HPS4: variants seen among roughly 807,000 people sequenced by gnomAD.
The protein encoded by HPS4 is HPS4 biogenesis of lysosomal organelles complex 3 subunit 2.
In HPS4, 44 loss-of-function variants were observed where a neutral mutation model predicts 70.3. The ratio of observed to expected loss-of-function variants is 0.63; its 90% CI spans 0.49 to 0.80. HPS4 has a LOEUF of 0.80. Among genes scored for constraint, HPS4 ranks in the 30% least tolerant of loss-of-function variants. The pLI is 0.00. For synonymous variants in HPS4, 377 were observed against 355.9 expected, an observed-to-expected ratio of 1.06 and a Z score of -0.67; for missense variants, 873 against 884.4, an observed-to-expected ratio of 0.99 and a Z score of 0.16.
intron 13 of HPS4, among the ~76,000 whole-genome samples, chr22:26,455,696 CGTT>C (rs1569017199): frequency 2.6e-5 from 4 of 151,062 alleles, no homozygotes; most frequent in Admixed American, 6.6e-5. Flanking sequence ...ACACACCTCA[CGTT>C]GTGCACAGCA....
chr22:26,452,113 G>T lies in HPS4; in HGVS notation c.*1120C>A. Reference sequence around the variant, plus strand: ...TTACTCAGAACTCCAGCATTTTTTGGCTATTTTATTTCTAGCCCTTGGAAG... The same window carrying T: ...TTACTCAGAACTCCAGCATTTTTTGTCTATTTTATTTCTAGCCCTTGGAAG... On this transcript the variant is annotated 3_prime_UTR_variant, in exon 14 of 14. Coordinates refer to ENST00000398145, the MANE Select transcript of HPS4 (RefSeq NM_022081.6). 3.0e-6 allele frequency: 1 copy of T among 331,074 alleles called. No homozygotes were observed. Among genetic ancestry groups the T allele is most frequent in the Non-Finnish European group, 5.9e-6 (1 of 169,894 alleles). 20.5% of individuals were successfully genotyped at this position (331,074 alleles called of 1,614,324 possible). A position where few individuals can be genotyped will look rare whatever the true frequency, so the allele number is the denominator to read the frequency against.
chr22:26,462,230 A>G (rs2087440820), intron 11 of HPS4, among the ~76,000 whole-genome samples: 1 of 152,240 alleles, frequency 6.6e-6, no homozygotes, highest in Non-Finnish European at 1.5e-5. Context: ...TTTCCACAGA[A>G]GCCCATGGAG....
At chr22:26,448,017 C>G (rs927615911), downstream of HPS4, among the ~76,000 whole-genome samples, 2 of 152,194 alleles carry the variant, frequency 1.3e-5, no homozygotes, top group Non-Finnish European at 2.9e-5. Context: ...AGGCTCAGAG[C>G]GGGCAGCTGA....
In HPS4 at chr22:26,464,101, G is replaced by A; in HGVS notation, c.1529C>T (p.Ser510Leu). ...AGCACCCTGACAGTTTGCTGAGCCT[G>A]AACTGCATTCCAGACCAGGGGCTGC... ...SHAAPGLECS[S>L]GSANCQGAGP... Residue 510 changes from serine to leucine, a missense_variant, in exon 11 of 14, where the codon TCA becomes TTA. Ser to Leu is a moderately radical substitution (Grantham distance 145). Transcript: ENST00000398145. 6.2e-7 allele frequency: 1 copy of A among 1,614,288 alleles called. No individual in the cohort carries two copies. Among genetic ancestry groups the A allele is most frequent in the Non-Finnish European group, 8.5e-7 (1 of 1,180,048 alleles).
At chr22:26,480,228 G>A (rs2091130755) in intron 2 of HPS4, among the ~76,000 whole-genome samples, 1 of 152,208 alleles carries the variant, frequency 6.6e-6, no homozygotes, top group African/African-American at 2.4e-5. Context: ...CTGGAGTGCA[G>A]TGGTGCGATT....
chr22:26,469,946 T>C (rs1309515552), intron 7 of HPS4, among the ~76,000 whole-genome samples: 4 of 152,142 alleles, frequency 2.6e-5, no homozygotes, highest in African/African-American at 7.2e-5. Context: ...GAAGAGAAAA[T>C]TGAGGCTAAG....
downstream of HPS4, among the ~76,000 whole-genome samples, chr22:26,450,661 G>T (rs554259772): frequency 6.6e-6 from 1 of 152,188 alleles, no homozygotes; most frequent in Non-Finnish European, 1.5e-5. Flanking sequence ...GAGGGACCTG[G>T]TGGGAGGTAA....
At chr22:26,446,596 G>C (rs1366873961), downstream of HPS4, among the ~76,000 whole-genome samples, 3 of 152,246 alleles carry the variant, frequency 2.0e-5, no homozygotes, top group Middle Eastern at 3.4e-3. Flanking sequence ...CAGGCTGAGG[G>C]GGTCGCTGCT....
rs570371168 is a variant in HPS4, at chr22:26,481,750, T to C, written c.13A>G (p.Thr5Ala). The C allele has an allele frequency of 1.2e-4, 194 of 1,614,104 alleles. 1 individual carries two copies. In the South Asian group the frequency reaches 1.6e-3, roughly 13 times the overall value. Residue 5 changes from threonine (T) to alanine (A), a missense_variant, in exon 2 of 14, where the codon ACC (threonine) becomes GCC (alanine). Thr to Ala is a moderately conservative substitution (Grantham distance 58). Transcript: ENST00000398145. MATS[T>A]STEAKSASWW... Reference sequence around the variant, plus strand: ...GAGGCTGACTTTGCCTCTGTGGAGGTAGAGGTGGCCATCTACTGTGCAGTC... The same window carrying C: ...GAGGCTGACTTTGCCTCTGTGGAGGCAGAGGTGGCCATCTACTGTGCAGTC...
Position 26,464,662 on chromosome 22 carries a change from T to C in HPS4, c.968A>G (p.Lys323Arg), listed in dbSNP as rs1230485472. The C allele has an allele frequency of 6.2e-7, 1 of 1,612,142 alleles. No individual in the cohort carries two copies. Among genetic ancestry groups the C allele is most frequent in the African/African-American group, 1.3e-5 (1 of 74,906 alleles). The stretch of plus-strand genomic sequence containing the variant: ...ATGGCCAGACAAGCATCCGTTCTCC[T>C]TCCTGCCATCTGGACAAGCTTCGTC... ...SPDEACPDGR[K>R]ENGCLSGHDL... Residue 323 changes from lysine (K) to arginine (R), a missense_variant, in exon 11 of 14, where the codon AAG becomes AGG. Physicochemically the swap from Lys to Arg is conservative, Grantham distance 26. Transcript: ENST00000398145.
downstream of HPS4, chr22:26,443,903 T>A (rs1199135480): frequency 6.6e-6 from 1 of 152,282 alleles, no homozygotes; most frequent in Non-Finnish European, 1.5e-5. Flanking sequence ...GAGGCTACTC[T>A]TTAAACATGG....
At chr22:26,450,302 A>G (rs2085101618), downstream of HPS4, among the ~76,000 whole-genome samples, 1 of 152,068 alleles carries the variant, frequency 6.6e-6, no homozygotes, top group African/African-American at 2.4e-5. Context: ...GTCTGCTGCT[A>G]CTCACCCACC....
In HPS4 at chr22:26,481,954, C is replaced by T; in HGVS notation, c.-192G>A. 1 of 623,320 alleles carries T rather than the reference C, an allele frequency of 1.6e-6. No individual in the cohort carries two copies. Among genetic ancestry groups the T allele is most frequent in the South Asian group, 1.8e-5 (1 of 54,852 alleles). 38.6% of individuals were successfully genotyped at this position (623,320 alleles called of 1,614,324 possible). ...TGGAAAGTTCCACTTCCCTTCCTTGCAGGTTCTTCAGTTTCATGTATATTT... is the reference window on the plus strand; with the variant it reads ...TGGAAAGTTCCACTTCCCTTCCTTGTAGGTTCTTCAGTTTCATGTATATTT... On this transcript the variant is annotated 5_prime_UTR_variant, in exon 2 of 14. Transcript: ENST00000398145.
At chr22:26,459,162 C>T (rs559979347) in intron 11 of HPS4, among the ~76,000 whole-genome samples, 13 of 152,320 alleles carry the variant, frequency 8.5e-5, no homozygotes, top group African/African-American at 2.9e-4. Context: ...GGATGTAACA[C>T]GGTAACTTCT....
At chr22:26,456,187 C>T (rs2086106306) in intron 13 of HPS4, among the ~76,000 whole-genome samples, 1 of 152,212 alleles carries the variant, frequency 6.6e-6, no homozygotes, top group South Asian at 2.1e-4. Flanking sequence ...CACCCATGCC[C>T]CTCACACTGG....
At chr22:26,443,288 G>A (rs2084870291), downstream of HPS4, 5 of 1,182,560 alleles carry the variant, frequency 4.2e-6, no homozygotes, top group Non-Finnish European at 6.2e-6. Context: ...CCCTACCGGT[G>A]TTGTTTCCAT....
chr22:26,466,080 T>C (rs903885969), intron 9 of HPS4, 146 bp downstream of exon 9: 1 of 1,578,960 alleles, frequency 6.3e-7, no homozygotes, highest in Non-Finnish European at 8.6e-7. Flanking sequence ...AACTCGATTC[T>C]TGAAGCTCCA....
intron 3 of HPS4, among the ~76,000 whole-genome samples, chr22:26,445,622 C>T (rs2084928770): frequency 1.3e-5 from 2 of 152,202 alleles, no homozygotes; most frequent in Admixed American, 1.3e-4. Context: ...TGGGCAAGTC[C>T]CTTAGCCTCT....
intron 4 of HPS4, among the ~76,000 whole-genome samples, chr22:26,474,199 C>T (rs1273822783): frequency 6.6e-6 from 1 of 152,160 alleles, no homozygotes; most frequent in Non-Finnish European, 1.5e-5. Context: ...CTATAGAAAT[C>T]AAGACAGTGT....
Sources: allele counts gnomAD v4.1 joint callset (sites outside exome capture counted in the v4.1 genomes callset), GRCh38; gene constraint gnomAD v4.1.1; transcripts MANE v1.5; gene names NCBI Gene and HGNC (gene_info 2026-07-23, HGNC 2026-07-21).